Variants in CLPB observed in about 807,000 individuals in gnomAD.
CLPB encodes ClpB family mitochondrial disaggregase.
CLPB carries 40 observed loss-of-function variants against 78.4 expected under a neutral mutation model. The ratio of observed to expected loss-of-function variants is 0.51; its 90% CI spans 0.40 to 0.66. The LOEUF is 0.66. Ranked by LOEUF, CLPB falls within the 30% of genes least tolerant of loss-of-function variation. The pLI, the probability that CLPB is intolerant of heterozygous loss-of-function variation, is 0.00. For missense variants in CLPB, 780 were observed against 886.9 expected (o/e 0.88, Z 1.53); for synonymous variants, 333 against 348.0 (o/e 0.96, Z 0.48).
chr11:72,314,185 C>G (rs371949273), intron 7 of CLPB, among the ~76,000 whole-genome samples: 1 of 152,128 alleles, frequency 6.6e-6, no homozygotes, highest in Admixed American at 6.5e-5. Flanking sequence ...CTGGCAGAGC[C>G]GAACACATGA....
At chr11:72,369,241 G>A (rs1410458827) in intron 4 of CLPB, among the ~76,000 whole-genome samples, 1 of 152,102 alleles carries the variant, frequency 6.6e-6, no homozygotes, top group Non-Finnish European at 1.5e-5. Context: ...AAATTCATAA[G>A]GTGGGGTAAA....
At chr11:72,388,000 T>A (rs1225224572) in intron 3 of CLPB, among the ~76,000 whole-genome samples, 1 of 152,092 alleles carries the variant, frequency 6.6e-6, no homozygotes, top group Non-Finnish European at 1.5e-5. Context: ...TCCAGGTTCA[T>A]GAGTATTGAT....
intron 5 of CLPB, among the ~76,000 whole-genome samples, chr11:72,346,738 G>C (rs1950522026): frequency 6.6e-6 from 1 of 151,964 alleles, no homozygotes; most frequent in Non-Finnish European, 1.5e-5. Flanking sequence ...AGCACTTTGG[G>C]AGGTTGAGAT....
chr11:72,323,262 C>G (rs1318800911), intron 6 of CLPB, among the ~76,000 whole-genome samples: 5 of 152,148 alleles, frequency 3.3e-5, no homozygotes, highest in Non-Finnish European at 5.9e-5. Flanking sequence ...AATAACCAAC[C>G]TGCACTTGTT....
chr11:72,312,288 T>C lies in CLPB; in HGVS notation c.989-3684A>G, dbSNP rs1372949163. Among the ~76,000 whole-genome samples the C allele has an allele frequency of 6.6e-6, 1 of 152,238 alleles. No individual in the cohort carries two copies. Among genetic ancestry groups the C allele is most frequent in the African/African-American group, 2.4e-5 (1 of 41,452 alleles). On this transcript the variant is annotated intron_variant, in intron 7 of 15. Transcript: ENST00000538039. The surrounding 1 kb of genome is among the most constrained non-coding windows in gnomAD (Gnocchi z 4.2). ...ATAATGGTAGTCATAGCAGCAGCAA[T>C]GGTAGTTACCATTAGCTTTGGTATT...
At chr11:72,348,921 T>C (rs1023266662) in intron 5 of CLPB, among the ~76,000 whole-genome samples, 6 of 152,238 alleles carry the variant, frequency 3.9e-5, no homozygotes, top group Non-Finnish European at 7.3e-5. Context: ...GAACTCACTG[T>C]TAAGTGAAGG....
chr11:72,346,790 C>T (rs903296139), intron 5 of CLPB, among the ~76,000 whole-genome samples: 1 of 151,486 alleles, frequency 6.6e-6, no homozygotes, highest in Non-Finnish European at 1.5e-5. Flanking sequence ...TCAGTCTGGC[C>T]AACATGGTGA....
chr11:72,305,718 G>A (rs967341567), intron 9 of CLPB, among the ~76,000 whole-genome samples: 2 of 152,170 alleles, frequency 1.3e-5, no homozygotes, highest in Non-Finnish European at 2.9e-5. Flanking sequence ...CTGCACTGGG[G>A]TGAATTTGTC....
chr11:72,396,074 A>G (rs1855396923), intron 3 of CLPB, among the ~76,000 whole-genome samples: 1 of 152,186 alleles, frequency 6.6e-6, no homozygotes, highest in South Asian at 2.1e-4. Flanking sequence ...CTAAAAATAA[A>G]TGACTGCTGT....
chr11:72,337,098 G>T, intron 5 of CLPB: 1 of 398,656 alleles, frequency 2.5e-6, no homozygotes, highest in East Asian at 3.6e-5. Context: ...ACTCAAGTCA[G>T]AGCCAATTCT....
intron 3 of CLPB, among the ~76,000 whole-genome samples, chr11:72,400,963 T>C (rs1232075201): frequency 6.6e-5 from 10 of 152,208 alleles, no homozygotes; most frequent in Non-Finnish European, 1.5e-4. Context: ...AGGTCTCGGA[T>C]TCTGCAAACA....
chr11:72,421,099 A>G (rs1406596487), intron 2 of CLPB, among the ~76,000 whole-genome samples: 1 of 152,196 alleles, frequency 6.6e-6, no homozygotes, highest in Admixed American at 6.5e-5. Flanking sequence ...GGGTGGGAGG[A>G]CCAGCTTTTT....
intron 1 of CLPB, among the ~76,000 whole-genome samples, chr11:72,433,083 CT>C (rs1314924173): frequency 6.6e-6 from 1 of 152,182 alleles, no homozygotes; most frequent in East Asian, 1.9e-4. Flanking sequence ...AGCAGTTGCC[CT>C]TGGGCCTCCA....
intron 4 of CLPB, among the ~76,000 whole-genome samples, chr11:72,364,661 G>A (rs904536031): frequency 2.6e-5 from 4 of 152,034 alleles, no homozygotes; most frequent in African/African-American, 9.7e-5. Flanking sequence ...ACTGCACCCA[G>A]CCTTCAAACA....
chr11:72,348,041 G>A (rs924841524), intron 5 of CLPB, among the ~76,000 whole-genome samples: 3 of 152,170 alleles, frequency 2.0e-5, no homozygotes, highest in South Asian at 2.1e-4. Flanking sequence ...TGTCAACACC[G>A]TTTTCAGTCC....
At chr11:72,422,198 G>A (rs1396209471) in intron 2 of CLPB, among the ~76,000 whole-genome samples, 2 of 149,486 alleles carry the variant, frequency 1.3e-5, no homozygotes, top group African/African-American at 5.0e-5. Context: ...CCCGAGAGGC[G>A]GAGCTTGCAG....
chr11:72,416,464 G>A (rs1345735183), intron 2 of CLPB, among the ~76,000 whole-genome samples: 4 of 152,030 alleles, frequency 2.6e-5, no homozygotes, highest in Admixed American at 6.5e-5. Context: ...GGCTGGGTGC[G>A]GTGGCTCACA....
At chr11:72,390,203 T>C (rs1855206775) in intron 3 of CLPB, among the ~76,000 whole-genome samples, 1 of 151,784 alleles carries the variant, frequency 6.6e-6, no homozygotes, top group Non-Finnish European at 1.5e-5. Flanking sequence ...TCCGGGAGGC[T>C]GAGGCGAGCA....
intron 4 of CLPB, among the ~76,000 whole-genome samples, chr11:72,377,757 A>T: frequency 6.6e-6 from 1 of 152,178 alleles, no homozygotes; most frequent in East Asian, 1.9e-4. Context: ...TTGAACTAGG[A>T]ATGCGAAAAG....
Sources: allele counts gnomAD v4.1 joint callset (sites outside exome capture counted in the v4.1 genomes callset), GRCh38; gene constraint gnomAD v4.1.1; non-coding constraint Gnocchi (gnomAD v3.1); transcripts MANE v1.5; gene names NCBI Gene and HGNC (gene_info 2026-07-23, HGNC 2026-07-21).